Variants in KCND3 observed in about 807,000 individuals in gnomAD.
KCND3 encodes the protein potassium voltage-gated channel subfamily D member 3.
KCND3 carries 9 observed loss-of-function variants against 51.1 expected under a neutral mutation model. That is an observed-to-expected ratio of 0.18 (90% confidence interval 0.11 to 0.31). The LOEUF (loss-of-function observed/expected upper bound fraction) is 0.31. Among genes scored for constraint, KCND3 ranks in the 10% least tolerant of loss-of-function variants. The pLI is 1.00. For missense variants in KCND3, 526 were observed against 903.8 expected (o/e 0.58, Z 5.36); for synonymous variants, 349 against 368.0 (o/e 0.95, Z 0.59).
At chr1:111,941,954 C>T (rs1672542579) in intron 2 of KCND3, among the ~76,000 whole-genome samples, 1 of 152,186 alleles carries the variant, frequency 6.6e-6, no homozygotes, top group Non-Finnish European at 1.5e-5. Flanking sequence ...TGCCAATAAT[C>T]ATCCGATCAC....
chr1:111,778,592 C>T (rs943626038), intron 5 of KCND3, 100 bp from the exon 6 acceptor site: 62 of 1,142,682 alleles, frequency 5.4e-5, no homozygotes, highest in Middle Eastern at 3.9e-4. Flanking sequence ...TCCCGGCATT[C>T]CACCCTTTGA....
intron 2 of KCND3, among the ~76,000 whole-genome samples, chr1:111,833,273 C>G (rs1331174956): frequency 6.6e-6 from 1 of 152,248 alleles, no homozygotes; most frequent in Non-Finnish European, 1.5e-5. Flanking sequence ...TGGATCTTGA[C>G]AGATGCTGGA....
At chr1:111,977,314 G>T (rs1370515776) in intron 2 of KCND3, among the ~76,000 whole-genome samples, 1 of 152,174 alleles carries the variant, frequency 6.6e-6, no homozygotes, top group Non-Finnish European at 1.5e-5. Flanking sequence ...CCATTCTGTG[G>T]TGTGCCTGTA....
At chr1:111,850,656 C>CGGCGACT (rs1667771713) in intron 2 of KCND3, among the ~76,000 whole-genome samples, 1 of 152,174 alleles carries the variant, frequency 6.6e-6, no homozygotes, top group Non-Finnish European at 1.5e-5. Flanking sequence ...ATGGCTGGTC[C>CGGCGACT]GGCCACTGGC....
At chr1:111,800,932 C>T (rs1286509358) in intron 2 of KCND3, among the ~76,000 whole-genome samples, 1 of 152,246 alleles carries the variant, frequency 6.6e-6, no homozygotes, top group African/African-American at 2.4e-5. Context: ...TCTAATTTAT[C>T]TCTCCAGGCC....
intron 2 of KCND3, among the ~76,000 whole-genome samples, chr1:111,930,294 G>T (rs1196161187): frequency 1.3e-5 from 2 of 152,126 alleles, no homozygotes; most frequent in Non-Finnish European, 2.9e-5. Context: ...ACCCCAAAAG[G>T]GGGTCTCATA....
At chr1:111,971,708 AG>A (rs1299600097) in intron 2 of KCND3, among the ~76,000 whole-genome samples, 1 of 152,168 alleles carries the variant, frequency 6.6e-6, no homozygotes, top group Non-Finnish European at 1.5e-5. Context: ...CAAACACTAC[AG>A]GTCCAAAGCT....
intron 2 of KCND3, among the ~76,000 whole-genome samples, chr1:111,895,797 G>A (rs1357616947): frequency 6.6e-6 from 1 of 152,246 alleles, no homozygotes; most frequent in Non-Finnish European, 1.5e-5. Flanking sequence ...AACGCTGCCA[G>A]CTCTTCCCGG....
At chr1:111,957,207 C>A (rs1489952205) in intron 2 of KCND3, among the ~76,000 whole-genome samples, 1 of 152,200 alleles carries the variant, frequency 6.6e-6, no homozygotes, top group Non-Finnish European at 1.5e-5. Flanking sequence ...CCACAAGATT[C>A]TTTCTCCAGG....
chr1:111,936,562 G>A (rs1030985789), intron 2 of KCND3, among the ~76,000 whole-genome samples: 1 of 152,216 alleles, frequency 6.6e-6, no homozygotes, highest in African/African-American at 2.4e-5. Context: ...TATCATCAAG[G>A]CATGCGGCGG....
At chr1:111,833,591 G>C (rs1164066439) in intron 2 of KCND3, among the ~76,000 whole-genome samples, 1 of 152,234 alleles carries the variant, frequency 6.6e-6, no homozygotes, top group African/African-American at 2.4e-5. Flanking sequence ...ATGAGGAAAA[G>C]AGAACAAATT....
intron 2 of KCND3, among the ~76,000 whole-genome samples, chr1:111,926,563 G>A (rs1012016505): frequency 6.6e-6 from 1 of 152,240 alleles, no homozygotes; most frequent in Non-Finnish European, 1.5e-5. Flanking sequence ...GCAGGGAGGG[G>A]CTTGGAGGCC....
At chr1:111,931,050 C>T (rs1360211335) in intron 2 of KCND3, among the ~76,000 whole-genome samples, 1 of 152,184 alleles carries the variant, frequency 6.6e-6, no homozygotes, top group Non-Finnish European at 1.5e-5. Flanking sequence ...GTCTGCTGAA[C>T]AAGTTAGGTT....
intron 2 of KCND3, among the ~76,000 whole-genome samples, chr1:111,968,208 G>T (rs996038412): frequency 3.9e-5 from 6 of 152,082 alleles, no homozygotes; most frequent in Admixed American, 6.6e-5. Context: ...ACACACTTTT[G>T]CTTGCTTGAG....
chr1:111,954,764 T>A (rs900786844), intron 2 of KCND3, among the ~76,000 whole-genome samples: 8 of 152,224 alleles, frequency 5.3e-5, no homozygotes, highest in African/African-American at 1.9e-4. Flanking sequence ...CAGCCTTCAT[T>A]CAGAATTCCG....
intron 2 of KCND3, among the ~76,000 whole-genome samples, chr1:111,918,807 A>C: frequency 6.6e-6 from 1 of 152,126 alleles, no homozygotes; most frequent in East Asian, 1.9e-4. Flanking sequence ...ACTAGGGATG[A>C]TGAAGCAGGC....
At chr1:111,987,015 C>A (rs1675321922) in intron 1 of KCND3, among the ~76,000 whole-genome samples, 1 of 152,158 alleles carries the variant, frequency 6.6e-6, no homozygotes, top group Non-Finnish European at 1.5e-5. Flanking sequence ...CTCAGAGAGG[C>A]AGAATCTTGA....
Position 111,834,806 on chromosome 1 carries a change from C to T in KCND3, c.1107-47700G>A, listed in dbSNP as rs182247945. Among the ~76,000 whole-genome samples, 650 of 152,352 alleles carry T rather than the reference C, an allele frequency of 4.3e-3. 2 individuals carry two copies. The highest frequency in any genetic ancestry group is 6.3e-3 in the Non-Finnish European group (427 of 68,038). ...GGATGATCCTGCAGATAGTTGAAGA[C>T]AACCAGCAAGCCCCTCTTCAACTTT... On this transcript the variant is annotated intron_variant, in intron 2 of 7. Transcript: ENST00000302127.
chr1:111,961,734 G>A (rs772222520), intron 2 of KCND3, among the ~76,000 whole-genome samples: 3 of 152,206 alleles, frequency 2.0e-5, no homozygotes, highest in Non-Finnish European at 2.9e-5. Context: ...TGGCATGAAG[G>A]GAAGAGCATC....
Sources: gnomAD v4.1 joint callset for allele counts (sites outside exome capture counted in the v4.1 genomes callset) on GRCh38, gnomAD v4.1.1 for gene constraint, MANE v1.5 for transcripts, NCBI Gene and HGNC (gene_info 2026-07-23, HGNC 2026-07-21) for gene names.